KLF3: variants seen among roughly 807,000 people sequenced by gnomAD.
The protein encoded by KLF3 is KLF transcription factor 3.
KLF3 carries 6 observed loss-of-function variants against 32.7 expected under a neutral mutation model. That is an observed-to-expected ratio of 0.18 (90% confidence interval 0.10 to 0.36). The LOEUF (loss-of-function observed/expected upper bound fraction) is 0.36. Among genes scored for constraint, KLF3 ranks in the 10% least tolerant of loss-of-function variants. The pLI is 1.00. For missense variants in KLF3, 338 were observed against 449.7 expected, an observed-to-expected ratio of 0.75 and a Z score of 2.25; for synonymous variants, 145 against 172.8, an observed-to-expected ratio of 0.84 and a Z score of 1.26.
Position 38,665,385 on chromosome 4 carries a change from A to G in KLF3, c.-40+924A>G, listed in dbSNP as rs537502805. On this transcript the variant is annotated intron_variant, in intron 1 of 5. Coordinates refer to ENST00000261438, the MANE Select transcript of KLF3 (RefSeq NM_016531.6). ...TCCAAGTGGCTTTCTTAGAGATGGCAGATGAGATCTGGAATTGTCATATTC... is the reference window on the plus strand; with the variant it reads ...TCCAAGTGGCTTTCTTAGAGATGGCGGATGAGATCTGGAATTGTCATATTC... 9.5e-4 allele frequency among the ~76,000 whole-genome samples: 145 copies of G among 152,354 alleles called. 1 individual carries two copies. Among genetic ancestry groups the G allele is most frequent in the African/African-American group, 3.4e-3 (142 of 41,584 alleles).
chr4:38,701,123 T>C lies in KLF3; in HGVS notation c.*3860T>C, dbSNP rs1723181642. ...AATGTAAGAACCCTTGCTTAGAACA[T>C]TACTTACTCTGATGGGCAGTTATTG... On this transcript the variant is annotated 3_prime_UTR_variant, in exon 6 of 6. Coordinates refer to ENST00000261438, the MANE Select transcript of KLF3 (RefSeq NM_016531.6). The C allele has an allele frequency of 6.6e-6, 1 of 152,204 alleles. No homozygotes were observed. The highest frequency in any genetic ancestry group is 1.5e-5 in the Non-Finnish European group (1 of 68,022). The allele number at this position is 152,204 out of a possible 1,614,324, so 9.4% of individuals were successfully genotyped here.
intron 2 of KLF3, among the ~76,000 whole-genome samples, chr4:38,683,617 C>T (rs1276491217): frequency 3.3e-5 from 5 of 150,260 alleles, no homozygotes; most frequent in East Asian, 1.9e-4. Context: ...TAAAAAAATG[C>T]GCATGTACAT....
chr4:38,666,475 C>G (rs992401092), intron 1 of KLF3, among the ~76,000 whole-genome samples: 9 of 151,198 alleles, frequency 6.0e-5, no homozygotes, highest in African/African-American at 2.2e-4. Context: ...ACAGTCCTGG[C>G]TAACAAAGTA....
intron 1 of KLF3, among the ~76,000 whole-genome samples, chr4:38,669,893 C>CAAAAAAAAAAAAAAAAA (rs60339860): frequency 2.4e-5 from 1 of 41,174 alleles, no homozygotes; most frequent in Non-Finnish European, 4.0e-5. Flanking sequence ...GACTCTGTCT[C>CAAAAAAAAAAAAAAAAA]AAAAAAAAAA....
intron 3 of KLF3, 151 bp downstream of exon 3, chr4:38,689,222 C>G (rs537695491): frequency 2.2e-4 from 219 of 974,788 alleles, no homozygotes; most frequent in Non-Finnish European, 1.6e-4. Context: ...CCCCGCCCCC[C>G]CAAAGTGTTG....
At chr4:38,696,987 C>G (rs2109258888) in intron 5 of KLF3, 95 bp from the exon 6 acceptor site, 2 of 1,025,770 alleles carry the variant, frequency 1.9e-6, no homozygotes, top group South Asian at 1.7e-5. Context: ...AATGTATGAA[C>G]ATATCTTGGA....
intron 1 of KLF3, among the ~76,000 whole-genome samples, chr4:38,666,183 G>T (rs568473368): frequency 1.8e-4 from 28 of 152,284 alleles, no homozygotes; most frequent in Admixed American, 5.2e-4. Context: ...CATTTAGCTT[G>T]CATGAAAGGG....
chr4:38,693,219 G>GT (rs1722938591), intron 4 of KLF3, among the ~76,000 whole-genome samples: 1 of 148,960 alleles, frequency 6.7e-6, no homozygotes. Context: ...ACTTTTCCAT[G>GT]TATCTAAACT....
intron 4 of KLF3, chr4:38,690,464 T>A (rs574988554): frequency 2.0e-4 from 31 of 152,392 alleles, no homozygotes; most frequent in African/African-American, 7.2e-4. Flanking sequence ...CCACCAGTGA[T>A]TACACTGAAG....
chr4:38,665,078 G>T (rs1344579069), intron 1 of KLF3, among the ~76,000 whole-genome samples: 1 of 151,580 alleles, frequency 6.6e-6, no homozygotes, highest in Admixed American at 6.6e-5. Flanking sequence ...CCGGCCCTCT[G>T]GAAAGAAACT....
At chr4:38,693,123 T>TACAC (rs1219771412) in intron 4 of KLF3, among the ~76,000 whole-genome samples, 1 of 142,392 alleles carries the variant, frequency 7.0e-6, no homozygotes, top group Non-Finnish European at 1.5e-5. Context: ...TATACATATA[T>TACAC]ATATACGTGT....
intron 1 of KLF3, among the ~76,000 whole-genome samples, 159 bp from the exon 2 acceptor site, chr4:38,680,428 G>A (rs958439234): frequency 2.6e-5 from 4 of 152,088 alleles, no homozygotes; most frequent in South Asian, 4.2e-4. Flanking sequence ...TGGCCAGGCT[G>A]GTCTTGAACT....
At chr4:38,664,879 TG>T (rs1721966453) in intron 1 of KLF3, 1 of 152,092 alleles carries the variant, frequency 6.6e-6, no homozygotes, top group African/African-American at 2.4e-5. Flanking sequence ...GTGGCAACGT[TG>T]TTTGGAGAAA....
chr4:38,691,319 G>A (rs3796536), intron 4 of KLF3, among the ~76,000 whole-genome samples: 8,699 of 152,218 alleles, frequency 0.057, 339 homozygotes, highest in Non-Finnish European at 0.075. Flanking sequence ...ATGCACTCAA[G>A]TGAAAGGAAA....
rs1358833689 is a variant in KLF3, at chr4:38,699,685, T to C, written c.*2422T>C. The C allele has an allele frequency of 6.6e-6, 1 of 152,222 alleles. No individual in the cohort carries two copies. Among genetic ancestry groups the C allele is most frequent in the Non-Finnish European group, 1.5e-5 (1 of 68,044 alleles). 9.4% of individuals were successfully genotyped at this position (152,222 alleles called of 1,614,324 possible). On this transcript the variant is annotated 3_prime_UTR_variant, in exon 6 of 6. Coordinates refer to ENST00000261438, the MANE Select transcript of KLF3 (RefSeq NM_016531.6). ...TCTTAACATTACTGTTCAGCTTGCT[T>C]AGATTGTGTTAACAGTTCATTTAAC...
intron 4 of KLF3, chr4:38,690,141 A>G: frequency 2.5e-6 from 1 of 404,954 alleles, no homozygotes; most frequent in Non-Finnish European, 4.3e-6. Flanking sequence ...ACCTTACCAC[A>G]TGAATTATTT....
intron 4 of KLF3, among the ~76,000 whole-genome samples, chr4:38,693,048 TTGCACATATATATATATGTATATATA>T (rs1722918669): frequency 6.8e-6 from 1 of 147,226 alleles, no homozygotes; most frequent in Admixed American, 6.8e-5. Context: ...TCTCTGCTGT[TTGCACATATATATATATGTATATATA>T]TACACATATA....
chr4:38,695,915 A>G (rs1017850898), intron 5 of KLF3, among the ~76,000 whole-genome samples: 1 of 152,162 alleles, frequency 6.6e-6, no homozygotes, highest in African/African-American at 2.4e-5. Flanking sequence ...ACAAAGAGGA[A>G]TCTGAGGTTT....
intron 2 of KLF3, among the ~76,000 whole-genome samples, chr4:38,682,044 G>A (rs760358183): frequency 6.6e-6 from 1 of 152,176 alleles, no homozygotes; most frequent in Non-Finnish European, 1.5e-5. Context: ...GAGCAATAAG[G>A]ATTTTATTAA....
Sources: allele counts gnomAD v4.1 joint callset (sites outside exome capture counted in the v4.1 genomes callset), GRCh38; gene constraint gnomAD v4.1.1; transcripts MANE v1.5; gene names NCBI Gene and HGNC (gene_info 2026-07-23, HGNC 2026-07-21).